Variants in UBE2H observed in about 807,000 individuals in gnomAD.
UBE2H encodes ubiquitin-conjugating enzyme E2 H.
A neutral mutation model predicts 29.0 loss-of-function variants in UBE2H; 3 were observed. The observed-to-expected ratio is 0.10, with a 90% CI of 0.05 to 0.27. The LOEUF (loss-of-function observed/expected upper bound fraction) is 0.27. Among genes scored for constraint, UBE2H ranks in the 10% least tolerant of loss-of-function variants. The probability of loss-of-function intolerance (pLI) is 1.00; values close to 1 mark genes in which losing one functional copy is unlikely to be tolerated. For missense variants in UBE2H, 68 were observed against 228.2 expected, an observed-to-expected ratio of 0.30 and a Z score of 4.52; for synonymous variants, 69 against 82.9, an observed-to-expected ratio of 0.83 and a Z score of 0.91.
At chr7:129,944,756 G>GCACA (rs1554441977) in intron 1 of UBE2H, among the ~76,000 whole-genome samples, 6 of 110,758 alleles carry the variant, frequency 5.4e-5, no homozygotes, top group Non-Finnish European at 1.2e-4. Context: ...ACACACGCAC[G>GCACA]CACGCACGCG....
At chr7:129,869,519 A>G (rs1805985268) in intron 3 of UBE2H, among the ~76,000 whole-genome samples, 1 of 152,146 alleles carries the variant, frequency 6.6e-6, no homozygotes, top group African/African-American at 2.4e-5. Flanking sequence ...CTTAAGATTT[A>G]AGAGCCATCA....
intron 1 of UBE2H, among the ~76,000 whole-genome samples, chr7:129,909,486 T>C (rs1806886473): frequency 6.6e-6 from 1 of 152,206 alleles, no homozygotes; most frequent in Admixed American, 6.5e-5. Flanking sequence ...GCATTCTTTC[T>C]ACCAGACTCC....
rs189473425 is a variant in UBE2H, at chr7:129,834,223, A to T, written c.*714T>A. The T allele has an allele frequency of 6.6e-6, 1 of 152,322 alleles. No individual in the cohort carries two copies. The highest frequency in any genetic ancestry group is 1.9e-4 in the East Asian group (1 of 5,184). 9.4% of individuals were successfully genotyped at this position (152,322 alleles called of 1,614,324 possible). Reference sequence around the variant, plus strand: ...GATTTCACGCTCTACCCCAAGAAAAAGAACTGGTTCAGAAAACACTTCCCC... The same window carrying T: ...GATTTCACGCTCTACCCCAAGAAAATGAACTGGTTCAGAAAACACTTCCCC... On this transcript the variant is annotated 3_prime_UTR_variant, in exon 7 of 7. Transcript: ENST00000355621.
intron 5 of UBE2H, among the ~76,000 whole-genome samples, chr7:129,843,974 G>A (rs1026750414): frequency 2.0e-5 from 3 of 152,178 alleles, no homozygotes; most frequent in Non-Finnish European, 2.9e-5. Flanking sequence ...GGAGTTTAGC[G>A]TGTCCCAGAA....
At chr7:129,890,083 T>C (rs150998113) in intron 1 of UBE2H, among the ~76,000 whole-genome samples, 243 of 152,082 alleles carry the variant, frequency 1.6e-3, no homozygotes, top group African/African-American at 5.7e-3. Flanking sequence ...TAGTAAGCTA[T>C]GATGACACTA....
At chr7:129,852,484 T>C (rs1805629296) in intron 5 of UBE2H, among the ~76,000 whole-genome samples, 1 of 152,042 alleles carries the variant, frequency 6.6e-6, no homozygotes, top group African/African-American at 2.4e-5. Flanking sequence ...AAAAAAAATT[T>C]GTATCTCTTG....
At chr7:129,897,370 C>G (rs986132227) in intron 1 of UBE2H, among the ~76,000 whole-genome samples, 2 of 152,172 alleles carry the variant, frequency 1.3e-5, no homozygotes, top group Non-Finnish European at 2.9e-5. Context: ...TGCTCGTTCT[C>G]CAGTTATCTT....
At chr7:129,912,976 G>A (rs1021399437) in intron 1 of UBE2H, among the ~76,000 whole-genome samples, 85 of 152,294 alleles carry the variant, frequency 5.6e-4, no homozygotes, top group African/African-American at 1.9e-3. Context: ...ATTGGGCCAG[G>A]TGCGGTGGTC....
chr7:129,896,264 G>A (rs866784424), intron 1 of UBE2H, among the ~76,000 whole-genome samples: 2 of 150,884 alleles, frequency 1.3e-5, no homozygotes, highest in African/African-American at 4.9e-5. Flanking sequence ...TTGAATCTAG[G>A]AGGCAGACGT....
At chr7:129,840,124 A>C (rs1422144893) in intron 5 of UBE2H, among the ~76,000 whole-genome samples, 2 of 152,234 alleles carry the variant, frequency 1.3e-5, no homozygotes. Flanking sequence ...ATCTATATGG[A>C]CCACATAAGA....
At chr7:129,930,508 C>T (rs1011262722) in intron 1 of UBE2H, among the ~76,000 whole-genome samples, 5 of 151,266 alleles carry the variant, frequency 3.3e-5, no homozygotes, top group Non-Finnish European at 7.4e-5. Context: ...TGGTGACTTA[C>T]GCCTGTAATC....
At chr7:129,868,190 TAC>T (rs1348423186) in intron 3 of UBE2H, among the ~76,000 whole-genome samples, 1 of 152,136 alleles carries the variant, frequency 6.6e-6, no homozygotes, top group Non-Finnish European at 1.5e-5. Context: ...GGTCACCCAA[TAC>T]AGAGTAGGAA....
chr7:129,937,221 C>A (rs1807548982), intron 1 of UBE2H, among the ~76,000 whole-genome samples: 1 of 151,610 alleles, frequency 6.6e-6, no homozygotes. Flanking sequence ...CCCAGCTACT[C>A]GGAAGGCTGA....
chr7:129,849,180 A>C (rs1465660036), intron 5 of UBE2H, among the ~76,000 whole-genome samples: 1 of 152,214 alleles, frequency 6.6e-6, no homozygotes, highest in Non-Finnish European at 1.5e-5. Context: ...GAGGGCCCTA[A>C]AAGATGACAG....
At chr7:129,844,343 G>A (rs1805476512) in intron 5 of UBE2H, among the ~76,000 whole-genome samples, 1 of 152,186 alleles carries the variant, frequency 6.6e-6, no homozygotes, top group African/African-American at 2.4e-5. Flanking sequence ...TCTCTCAAAT[G>A]TGCAGATGTG....
intron 5 of UBE2H, among the ~76,000 whole-genome samples, chr7:129,854,072 T>G (rs560242522): frequency 1.3e-5 from 2 of 150,042 alleles, no homozygotes; most frequent in South Asian, 2.1e-4. Flanking sequence ...TTTTTTTTTT[T>G]TTTTTTTTTT....
intron 1 of UBE2H, chr7:129,949,166 A>C (rs1424392471): frequency 1.2e-5 from 4 of 343,334 alleles, no homozygotes; most frequent in African/African-American, 2.1e-5. Flanking sequence ...ACCCCCACCA[A>C]CAAGGAAACC....
intron 1 of UBE2H, among the ~76,000 whole-genome samples, chr7:129,907,337 GA>G (rs1383713928): frequency 6.6e-6 from 1 of 152,132 alleles, no homozygotes; most frequent in African/African-American, 2.4e-5. Flanking sequence ...GATCGTGTAA[GA>G]AAATGGGGCT....
intron 3 of UBE2H, among the ~76,000 whole-genome samples, chr7:129,863,246 G>A (rs952341868): frequency 1.3e-5 from 2 of 152,138 alleles, no homozygotes; most frequent in African/African-American, 2.4e-5. Context: ...AAATGGTTTG[G>A]AGCTCAGTCT....
Sources: allele counts gnomAD v4.1 joint callset (sites outside exome capture counted in the v4.1 genomes callset), GRCh38; gene constraint gnomAD v4.1.1; transcripts MANE v1.5; gene names NCBI Gene and HGNC (gene_info 2026-07-23, HGNC 2026-07-21).